Variants in RREB1 observed in about 807,000 individuals in gnomAD.
RREB1 encodes ras responsive element binding protein 1, also known as ras-responsive element-binding protein 1.
Under a neutral mutation model 117.8 loss-of-function variants are expected in RREB1, and 27 were observed. That is an observed-to-expected ratio of 0.23 (90% CI 0.17 to 0.32). The LOEUF is 0.32. RREB1 is among the 10% of genes least tolerant of loss of function. The pLI, the probability that RREB1 is intolerant of heterozygous loss-of-function variation, is 1.00. For synonymous variants in RREB1, 1,298 were observed against 1,026.7 expected (o/e 1.26, Z -5.05); for missense variants, 2,577 against 2,378.2 (o/e 1.08, Z -1.74).
chr6:7,149,428 TGGAA>T (rs1763015856), intron 1 of RREB1, among the ~76,000 whole-genome samples: 1 of 152,114 alleles, frequency 6.6e-6, no homozygotes, highest in Non-Finnish European at 1.5e-5. Flanking sequence ...AATGGTGAAT[TGGAA>T]GGAAGGAGTG....
At chr6:7,188,574 A>G (rs1393960090) in intron 5 of RREB1, among the ~76,000 whole-genome samples, 1 of 152,114 alleles carries the variant, frequency 6.6e-6, no homozygotes. Context: ...CCAATTCATG[A>G]CAAAATATTG....
At chr6:7,172,703 G>C (rs1197958536) in intron 1 of RREB1, among the ~76,000 whole-genome samples, 1 of 151,758 alleles carries the variant, frequency 6.6e-6, no homozygotes, top group Non-Finnish European at 1.5e-5. Flanking sequence ...GGGGGGTGGG[G>C]GTGACTTTCT....
In RREB1 at chr6:7,229,653, G is replaced by T. The variant is rs1379976633; in HGVS notation, c.1554G>T (p.Val518=). Residue 518 remains valine, a synonymous_variant, in exon 10 of 13, where the codon GTG becomes GTT. Coordinates refer to ENST00000379938, the MANE Select transcript of RREB1 (RefSeq NM_001003699.4). This position sits in a 1 kb window ranked among gnomAD's most constrained non-coding sequence, Gnocchi z 4.5. ...AGCCCCTGGTCACACCACGGACGGT[G>T]GTGGCCACCTCCACGCCCCCGCCTC... ...KPKPLVTPRT[V]VATSTPPPLI... is the part of the protein sequence containing the mutation. The T allele has an allele frequency of 6.2e-7, 1 of 1,612,264 alleles. No individual in the cohort carries two copies. Among genetic ancestry groups the T allele is most frequent in the East Asian group, 2.2e-5 (1 of 44,802 alleles).
At chr6:7,200,283 T>TGTGTGTG (rs1491275718) in intron 6 of RREB1, among the ~76,000 whole-genome samples, 8 of 93,950 alleles carry the variant, frequency 8.5e-5, no homozygotes, top group East Asian at 3.9e-4. Flanking sequence ...TGTGTGTGTA[T>TGTGTGTG]TTTTTTTTTT....
At chr6:7,200,427 A>G (rs1174353594) in intron 6 of RREB1, among the ~76,000 whole-genome samples, 1 of 151,694 alleles carries the variant, frequency 6.6e-6, no homozygotes, top group African/African-American at 2.4e-5. Flanking sequence ...GCGCCACCAT[A>G]CCCAGCTAAT....
At chr6:7,140,153 G>A (rs3175077) in intron 1 of RREB1, among the ~76,000 whole-genome samples, 5,739 of 152,206 alleles carry the variant, frequency 0.038, 136 homozygotes, top group Non-Finnish European at 0.051. Flanking sequence ...CCTGCCACAC[G>A]GCGTCTTTGC....
At chr6:7,107,906 G>A (rs1760906381), upstream of RREB1, 1 of 152,898 alleles carries the variant, frequency 6.5e-6, no homozygotes, top group Non-Finnish European at 1.5e-5. Context: ...AGAAGAGGAG[G>A]AGGGGAAGTG....
chr6:7,160,458 C>T (rs887810515), intron 1 of RREB1, among the ~76,000 whole-genome samples: 2 of 152,134 alleles, frequency 1.3e-5, no homozygotes, highest in Admixed American at 6.5e-5. Flanking sequence ...TTAAATGTGC[C>T]AGCTAGCTTT....
rs927073632 is a variant in RREB1 at position 7,247,147 on chromosome 6, A to C, written c.4697A>C (p.Lys1566Thr). The change falls in exon 12 of 13, where the codon AAG (lysine) becomes ACG (threonine). Residue 1566 changes from lysine (K) to threonine (T), a missense_variant. Physicochemically the swap from Lys to Thr is moderately conservative, Grantham distance 78. Coordinates refer to ENST00000379938, the MANE Select transcript of RREB1 (RefSeq NM_001003699.4). ...GTGGCCAGCAAGGCAGACAAGAGGA[A>C]GAAGGTCTGCAGCGTGTGCAACAAG... Reference protein sequence around the residue: ...KSVASKADKRKKVCSVCNKRF... With the variant: ...KSVASKADKRTKVCSVCNKRF... 1 of 1,613,940 alleles carries C rather than the reference A, an allele frequency of 6.2e-7. No homozygotes were observed. Among genetic ancestry groups the C allele is most frequent in the Non-Finnish European group, 8.5e-7 (1 of 1,180,014 alleles).
Position 7,251,410 on chromosome 6 carries a change from C to T in RREB1, c.*2442C>T, listed in dbSNP as rs974255858. Reference sequence around the variant, plus strand: ...CTATACATTTTGTTTGATTCTCTTTCTCCTTCTCTCAGGGCTTTTACAAAA... The same window carrying T: ...CTATACATTTTGTTTGATTCTCTTTTTCCTTCTCTCAGGGCTTTTACAAAA... On this transcript the variant is annotated 3_prime_UTR_variant, in exon 13 of 13. Coordinates refer to ENST00000379938, the MANE Select transcript of RREB1 (RefSeq NM_001003699.4). The T allele has an allele frequency of 4.0e-5, 6 of 150,780 alleles. No homozygotes were observed. The highest frequency in any genetic ancestry group is 2.1e-4 in the South Asian group (1 of 4,782). The allele number at this position is 150,780 out of a possible 1,614,324, so 9.3% of individuals were successfully genotyped here.
In RREB1 at chr6:7,230,586, C is replaced by T. The variant is rs749638070; in HGVS notation, c.2487C>T (p.Asp829=). Reference sequence around the variant, plus strand: ...TCGAGAGCTACGTGCTGGCCGCCGACGGCCTGGGCCCCGCAGAGGCGCCGG... The same window carrying T: ...TCGAGAGCTACGTGCTGGCCGCCGATGGCCTGGGCCCCGCAGAGGCGCCGG... ...QDIESYVLAA[D]GLGPAEAPAA... The change falls in exon 10 of 13, where the codon GAC becomes GAT. Residue 829 remains aspartate, a synonymous_variant. Coordinates refer to ENST00000379938, the MANE Select transcript of RREB1 (RefSeq NM_001003699.4). The T allele has an allele frequency of 2.2e-5, 36 of 1,603,290 alleles. 1 individual carries two copies. The highest frequency in any genetic ancestry group is 2.8e-5 in the Non-Finnish European group (33 of 1,175,866).
intron 5 of RREB1, among the ~76,000 whole-genome samples, chr6:7,188,252 T>TGTGTGCGC (rs1411771705): frequency 1.0e-4 from 15 of 147,582 alleles, no homozygotes; most frequent in African/African-American, 3.8e-4. Context: ...TGTGTGTGTG[T>TGTGTGCGC]GCGCGCGCGC....
intron 6 of RREB1, among the ~76,000 whole-genome samples, chr6:7,199,994 A>G (rs910274774): frequency 6.6e-6 from 1 of 152,168 alleles, no homozygotes; most frequent in Admixed American, 6.5e-5. Flanking sequence ...ACTGAATTTT[A>G]TTCTTCAAAT....
At chr6:7,226,398 ACT>A in intron 8 of RREB1, 67 bp from the exon 9 acceptor site, 1 of 1,172,694 alleles carries the variant, frequency 8.5e-7, no homozygotes, top group Non-Finnish European at 1.2e-6. Context: ...AAGAGTGGAA[ACT>A]CTGACTTAAC....
chr6:7,182,438 C>A (rs911160028), intron 4 of RREB1, among the ~76,000 whole-genome samples: 1 of 152,160 alleles, frequency 6.6e-6, no homozygotes, highest in African/African-American at 2.4e-5. Flanking sequence ...TAAGTATCTT[C>A]AGATTAGGTA....
chr6:7,125,515 G>A (rs201451308), intron 1 of RREB1, among the ~76,000 whole-genome samples: 1 of 152,156 alleles, frequency 6.6e-6, no homozygotes, highest in East Asian at 1.9e-4. Flanking sequence ...AAAGTACTCA[G>A]CCCTGTTTCA....
At chr6:7,200,941 T>G (rs2113590594) in intron 6 of RREB1, among the ~76,000 whole-genome samples, 1 of 152,372 alleles carries the variant, frequency 6.6e-6, no homozygotes, top group East Asian at 1.9e-4. Context: ...GTACAGTATT[T>G]TTGACATATC....
intron 1 of RREB1, among the ~76,000 whole-genome samples, chr6:7,147,905 A>C (rs1168100208): frequency 6.6e-6 from 1 of 152,186 alleles, no homozygotes; most frequent in African/African-American, 2.4e-5. Flanking sequence ...ATTCCAAACT[A>C]TTATTGGCTT....
chr6:7,211,144 G>A (rs1353110036), intron 7 of RREB1, among the ~76,000 whole-genome samples, 196 bp downstream of exon 7: 1 of 152,222 alleles, frequency 6.6e-6, no homozygotes, highest in African/African-American at 2.4e-5. Context: ...CCTCTGCTGA[G>A]CCCAGAGATG....
Sources: allele counts gnomAD v4.1 joint callset (sites outside exome capture counted in the v4.1 genomes callset), GRCh38; gene constraint gnomAD v4.1.1; non-coding constraint Gnocchi (gnomAD v3.1); transcripts MANE v1.5; gene names NCBI Gene and HGNC (gene_info 2026-07-23, HGNC 2026-07-21).